Variants in TULP4 observed in about 807,000 individuals in gnomAD.
TULP4 encodes the protein TUB like protein 4, also known as tubby-related protein 4.
Under a neutral mutation model 129.0 loss-of-function variants are expected in TULP4, and 16 were observed. That is an observed-to-expected ratio of 0.12 (90% CI 0.08 to 0.19). The LOEUF is 0.19. TULP4 is among the 10% of genes least tolerant of loss of function. The pLI, the probability that TULP4 is intolerant of heterozygous loss-of-function variation, is 1.00. For synonymous variants in TULP4, 998 were observed against 854.0 expected, an observed-to-expected ratio of 1.17 and a Z score of -2.94; for missense variants, 1,842 against 2,059.1, an observed-to-expected ratio of 0.89 and a Z score of 2.04.
At chr6:158,274,471 AT>A (rs1462597419) in intron 1 of TULP4, among the ~76,000 whole-genome samples, 1 of 151,904 alleles carries the variant, frequency 6.6e-6, no homozygotes, top group Non-Finnish European at 1.5e-5. Flanking sequence ...AAACCAGAAC[AT>A]TTCATTTAAA....
chr6:158,322,901 G>T (rs946131521), intron 1 of TULP4, among the ~76,000 whole-genome samples: 5 of 152,132 alleles, frequency 3.3e-5, no homozygotes, highest in Non-Finnish European at 5.9e-5. Flanking sequence ...GAAGAATGAG[G>T]CTTCCTAGAG....
intron 1 of TULP4, among the ~76,000 whole-genome samples, chr6:158,298,079 A>G (rs1779066159): frequency 6.6e-6 from 1 of 152,188 alleles, no homozygotes; most frequent in Non-Finnish European, 1.5e-5. Flanking sequence ...TTGCACATCC[A>G]TTTATAGGCT....
chr6:158,347,462 A>G (rs534403828), intron 1 of TULP4, among the ~76,000 whole-genome samples: 1 of 152,188 alleles, frequency 6.6e-6, no homozygotes, highest in African/African-American at 2.4e-5. Context: ...TCTCTTCTGG[A>G]CTTTTCTTTT....
At chr6:158,238,203 T>G (rs1300801762) in intron 1 of TULP4, 3 of 818,362 alleles carry the variant, frequency 3.7e-6, no homozygotes, top group Non-Finnish European at 6.5e-6. Context: ...TGTGCCATGG[T>G]CAGCTTAATT....
chr6:158,424,396 C>T lies in TULP4; in HGVS notation c.382-5340C>T, dbSNP rs570410658. ...TCCTGAGTAGCTGGGACTACAGATG[C>T]GCACTACCACACCTGGCTAATTTTT... On this transcript the variant is annotated intron_variant, in intron 2 of 13. Transcript: ENST00000367097. Among the ~76,000 whole-genome samples the T allele has an allele frequency of 7.2e-5, 11 of 152,158 alleles. No individual in the cohort carries two copies. In the East Asian group the frequency reaches 1.4e-3, roughly 19 times the overall value.
At chr6:158,254,169 G>A (rs1778200975) in intron 1 of TULP4, among the ~76,000 whole-genome samples, 1 of 152,150 alleles carries the variant, frequency 6.6e-6, no homozygotes, top group Non-Finnish European at 1.5e-5. Flanking sequence ...TGGAGACAGA[G>A]TCTTGCTCTG....
rs1053909216 is a variant in TULP4 at position 158,290,997 on chromosome 6, G to A, written n.116+8619G>A. ...GACAACAAAAGGATCTTTCTCATAAGGCTAAGGCTTTTCAATGAGAAATAT... is the reference window on the plus strand; with the variant it reads ...GACAACAAAAGGATCTTTCTCATAAAGCTAAGGCTTTTCAATGAGAAATAT... On this transcript the variant is annotated intron_variant and non_coding_transcript_variant, in intron 1 of 1. Transcript: ENST00000432358. Among the ~76,000 whole-genome samples the A allele has an allele frequency of 2.6e-5, 4 of 152,124 alleles. No individual in the cohort carries two copies. The East Asian group carries it at 7.7e-4, about 29-fold the overall frequency.
chr6:158,426,413 G>A lies in TULP4; in HGVS notation c.382-3323G>A, dbSNP rs150686207. Among the ~76,000 whole-genome samples the A allele has an allele frequency of 4.0e-4, 61 of 152,240 alleles. No homozygotes were observed. In the East Asian group the frequency reaches 6.0e-3, roughly 15 times the overall value. ...ATTTTTGTATATTGTATAAGAAAGG[G>A]GTCCAGTTTCAACATTCTGCATATG... On this transcript the variant is annotated intron_variant, in intron 2 of 13. Transcript: ENST00000367097.
chr6:158,370,031 A>G (rs183910928), intron 1 of TULP4, among the ~76,000 whole-genome samples: 17 of 151,758 alleles, frequency 1.1e-4, no homozygotes, highest in African/African-American at 3.9e-4. Flanking sequence ...GAGAAACCCC[A>G]TCTCTATAAA....
rs1778589161 is a variant in TULP4 at position 158,429,851 on chromosome 6, T to C, written c.497T>C (p.Leu166Ser). The C allele has an allele frequency of 6.2e-7, 1 of 1,614,076 alleles. No individual in the cohort carries two copies. Among genetic ancestry groups the C allele is most frequent in the Non-Finnish European group, 8.5e-7 (1 of 1,180,028 alleles). The stretch of plus-strand genomic sequence containing the variant: ...AGACACTGGTCATCCGAAATCAACT[T>C]GGAAAGTCAAATTACGTGTGGCATA... ...GQRHWSSEIN[L>S]ESQITCGIWT... Residue 166 changes from leucine (L) to serine (S), a missense_variant, in exon 3 of 14, where the codon TTG (leucine) becomes TCG (serine). Leu to Ser is a moderately radical substitution (Grantham distance 145). Coordinates refer to ENST00000367097, the MANE Select transcript of TULP4 (RefSeq NM_020245.5).
At chr6:158,385,546 A>G (rs897180305) in intron 1 of TULP4, among the ~76,000 whole-genome samples, 73 of 152,120 alleles carry the variant, frequency 4.8e-4, no homozygotes, top group African/African-American at 1.5e-3. Flanking sequence ...TGGTGATACT[A>G]TCTGTGTCAA....
In TULP4 at chr6:158,315,287, T is replaced by G. The variant is rs534626436; in HGVS notation, c.252+1019T>G. Among the ~76,000 whole-genome samples, 7 of 152,270 alleles carry G rather than the reference T, an allele frequency of 4.6e-5. No individual in the cohort carries two copies. In the South Asian group the frequency reaches 1.5e-3, roughly 32 times the overall value. ...TCCGGGGCTAGTATGGTAGAGTTTT[T>G]TATTTCTTCTTGGTGGAAAGAGGAT... is the stretch of plus-strand genomic sequence containing the variant. On this transcript the variant is annotated intron_variant, in intron 1 of 13. Coordinates refer to ENST00000367097, the MANE Select transcript of TULP4 (RefSeq NM_020245.5).
intron 1 of TULP4, among the ~76,000 whole-genome samples, chr6:158,318,731 T>A (rs1404373560): frequency 2.6e-5 from 4 of 152,092 alleles, no homozygotes; most frequent in African/African-American, 7.2e-5. Context: ...CTTTTTTTTT[T>A]ATTTAATTTT....
intron 3 of TULP4, among the ~76,000 whole-genome samples, chr6:158,432,374 A>G (rs1382631846): frequency 6.6e-6 from 1 of 152,178 alleles, no homozygotes; most frequent in Non-Finnish European, 1.5e-5. Flanking sequence ...GCACCCCTGC[A>G]GCTCAGGGGC....
Position 158,494,686 on chromosome 6 carries a change from C to T in TULP4, c.1777-67C>T, listed in dbSNP as rs771172548. 92 of 1,420,894 alleles carry T rather than the reference C, an allele frequency of 6.5e-5. 1 individual carries two copies. In the Admixed American group the frequency reaches 1.6e-3, roughly 24 times the overall value. 88.0% of individuals were successfully genotyped at this position (1,420,894 alleles called of 1,614,324 possible). Reference sequence around the variant, plus strand: ...TAAGTAATAAATATTAACATTCTTACTGAGTGACCAGTTGAAAATACGGAA... The same window carrying T: ...TAAGTAATAAATATTAACATTCTTATTGAGTGACCAGTTGAAAATACGGAA... On this transcript the variant is annotated intron_variant, in intron 10 of 13. Coordinates refer to ENST00000367097, the MANE Select transcript of TULP4 (RefSeq NM_020245.5).
intron 1 of TULP4, among the ~76,000 whole-genome samples, chr6:158,269,061 C>T (rs1778500797): frequency 6.6e-6 from 1 of 152,116 alleles, no homozygotes; most frequent in African/African-American, 2.4e-5. Flanking sequence ...ATTTGTGGCT[C>T]TTGTCATTTT....
At chr6:158,395,916 T>G (rs1335131198) in intron 1 of TULP4, among the ~76,000 whole-genome samples, 1 of 152,168 alleles carries the variant, frequency 6.6e-6, no homozygotes, top group Non-Finnish European at 1.5e-5. Flanking sequence ...TTGGTATTTT[T>G]ATACGTTGCA....
intron 1 of TULP4, among the ~76,000 whole-genome samples, chr6:158,361,440 G>T (rs118108143): frequency 0.035 from 5,258 of 152,264 alleles, 105 homozygotes; most frequent in Non-Finnish European, 0.041. Flanking sequence ...AGAGAGATGA[G>T]CTTTAGGGTC....
At chr6:158,405,328 G>T (rs1777953830) in intron 1 of TULP4, among the ~76,000 whole-genome samples, 1 of 152,146 alleles carries the variant, frequency 6.6e-6, no homozygotes, top group Non-Finnish European at 1.5e-5. Context: ...GAAGTCCAGC[G>T]GAGTCAAAGG....
Sources: allele counts gnomAD v4.1 joint callset (sites outside exome capture counted in the v4.1 genomes callset), GRCh38; gene constraint gnomAD v4.1.1; transcripts MANE v1.5; gene names NCBI Gene and HGNC (gene_info 2026-07-23, HGNC 2026-07-21).